The following WDR1 variants were observed in gnomAD, a reference collection of about 807,000 sequenced individuals.
WDR1 encodes WD repeat-containing protein 1.
Under a neutral mutation model 71.9 loss-of-function variants are expected in WDR1, and 21 were observed. That is an observed-to-expected ratio of 0.29 (90% CI 0.21 to 0.42). The LOEUF (loss-of-function observed/expected upper bound fraction) is 0.42, where lower values mean the gene tolerates loss of function less well. WDR1 is among the 10% of genes least tolerant of loss of function. The pLI is 1.00. For synonymous variants in WDR1, 424 were observed against 347.4 expected (o/e 1.22, Z -2.45); for missense variants, 696 against 824.5 (o/e 0.84, Z 1.91).
At chr4:10,113,537 G>A (rs1017941617) in intron 2 of WDR1, among the ~76,000 whole-genome samples, 3 of 152,200 alleles carry the variant, frequency 2.0e-5, no homozygotes, top group African/African-American at 4.8e-5. Context: ...GGCTTTCACC[G>A]AGGTGGGAAG....
chr4:10,109,333 C>T (rs1327202845), intron 2 of WDR1, among the ~76,000 whole-genome samples: 1 of 152,254 alleles, frequency 6.6e-6, no homozygotes, highest in Non-Finnish European at 1.5e-5. Context: ...AACACCTTCA[C>T]ACAATCCCAG....
chr4:10,086,636 A>G (rs3822248), intron 8 of WDR1, among the ~76,000 whole-genome samples: 48,028 of 152,064 alleles, frequency 0.32, 7,915 homozygotes, highest in East Asian at 0.54. Flanking sequence ...CTAGCCCTGC[A>G]GGGTTCAGAC....
chr4:10,092,968 G>C, intron 5 of WDR1: 1 of 990,254 alleles, frequency 1.0e-6, no homozygotes, highest in Non-Finnish European at 1.4e-6. Flanking sequence ...CCAACACATA[G>C]CCAAGACTGA....
intron 2 of WDR1, among the ~76,000 whole-genome samples, chr4:10,115,483 T>C (rs1344539783): frequency 6.6e-6 from 1 of 152,208 alleles, no homozygotes; most frequent in Non-Finnish European, 1.5e-5. Flanking sequence ...CCGGGTGTTT[T>C]TCCGGGCTCT....
At position 10,083,099 on chromosome 4, in the gene WDR1, C is replaced by G. The variant is rs1274951830; in HGVS notation, c.1119G>C (p.Val373=). 4.3e-6 allele frequency: 7 copies of G among 1,613,966 alleles called. No individual in the cohort carries two copies. In the Admixed American group the frequency reaches 1.2e-4, roughly 27 times the overall value. ...GHTNQVSRMT[V]DESGQLISCS... ...AGCTGATGAGCTGCCCCGACTCATC[C>G]ACGGTCATCCTGGACACCTGGTTCG... Residue 373 remains valine (V), a synonymous_variant, in exon 10 of 15, where the codon GTG becomes GTC. Transcript: ENST00000499869.
intron 7 of WDR1, 131 bp downstream of exon 7, chr4:10,088,162 G>C: frequency 1.0e-6 from 1 of 990,550 alleles, no homozygotes; most frequent in Non-Finnish European, 1.6e-6. Flanking sequence ...TTTCTGGGCA[G>C]ATATAAAACC....
intron 13 of WDR1, 112 bp from the exon 14 acceptor site, chr4:10,077,560 C>T: frequency 6.5e-7 from 1 of 1,542,980 alleles, no homozygotes; most frequent in Non-Finnish European, 8.8e-7. Flanking sequence ...TTCTCACGCG[C>T]TAACTCTATG....
intron 2 of WDR1, among the ~76,000 whole-genome samples, chr4:10,112,673 A>C (rs1016893993): frequency 6.6e-6 from 1 of 151,816 alleles, no homozygotes; most frequent in African/African-American, 2.4e-5. Context: ...GATTCCACAA[A>C]ATTTAGGTCC....
At chr4:10,116,318 C>A (rs1274118144) in intron 1 of WDR1, 84 bp from the exon 2 acceptor site, 1 of 1,582,226 alleles carries the variant, frequency 6.3e-7, no homozygotes, top group Non-Finnish European at 8.6e-7. Flanking sequence ...CCGGACCGGT[C>A]TCGGCCGGTC....
chr4:10,100,771 G>A (rs1247766346), intron 3 of WDR1, among the ~76,000 whole-genome samples: 1 of 152,224 alleles, frequency 6.6e-6, no homozygotes, highest in East Asian at 1.9e-4. Flanking sequence ...AGGCCGGGGG[G>A]GAAGAAGGGG....
intron 1 of WDR1, 35 bp downstream of exon 1, chr4:10,116,616 G>C (rs1284310504): frequency 3.3e-6 from 4 of 1,209,574 alleles, no homozygotes; most frequent in Non-Finnish European, 4.1e-6. Context: ...GGGCAGCGCG[G>C]CGGCCGCTCG....
At chr4:10,088,518 G>A in intron 6 of WDR1, 145 bp from the exon 7 acceptor site, 1 of 1,115,010 alleles carries the variant, frequency 9.0e-7, no homozygotes, top group Non-Finnish European at 1.3e-6. Context: ...CATTTACTGG[G>A]CTCTGACGAC....
chr4:10,110,401 T>C (rs1191085030), intron 2 of WDR1, among the ~76,000 whole-genome samples: 1 of 152,124 alleles, frequency 6.6e-6, no homozygotes, highest in Non-Finnish European at 1.5e-5. Context: ...CTAAACCTCT[T>C]CTCTTACCTC....
At chr4:10,088,005 G>A (rs1578425128) in intron 7 of WDR1, 65 bp from the exon 8 acceptor site, 1 of 1,443,074 alleles carries the variant, frequency 6.9e-7, no homozygotes, top group South Asian at 1.4e-5. Flanking sequence ...ACCCCAAAAA[G>A]CAGCTTGTCC....
chr4:10,111,417 C>T (rs1398559062), intron 2 of WDR1, among the ~76,000 whole-genome samples: 3 of 152,226 alleles, frequency 2.0e-5, no homozygotes, highest in African/African-American at 7.2e-5. Context: ...CTCTGCTTCC[C>T]CTGCCATCAG....
At chr4:10,112,446 C>T (rs1014096104) in intron 2 of WDR1, among the ~76,000 whole-genome samples, 1 of 152,178 alleles carries the variant, frequency 6.6e-6, no homozygotes, top group African/African-American at 2.4e-5. Context: ...TACATGGCCA[C>T]CATTATAGTC....
At chr4:10,111,849 T>C (rs1212434118) in intron 2 of WDR1, among the ~76,000 whole-genome samples, 1 of 140,978 alleles carries the variant, frequency 7.1e-6, no homozygotes, top group East Asian at 2.4e-4. Context: ...CCACTGATAC[T>C]GCGCCTGGGT....
chr4:10,103,136 C>T (rs559321120), intron 3 of WDR1, among the ~76,000 whole-genome samples: 48 of 152,276 alleles, frequency 3.2e-4, no homozygotes, highest in Admixed American at 7.2e-4. Flanking sequence ...CACACAAAAG[C>T]CCAGGCTGCA....
intron 2 of WDR1, among the ~76,000 whole-genome samples, chr4:10,105,910 C>A (rs1712984068): frequency 6.6e-6 from 1 of 152,228 alleles, no homozygotes; most frequent in Non-Finnish European, 1.5e-5. Flanking sequence ...AGGCAACACA[C>A]CGCACTGCTT....
Sources: gnomAD v4.1 joint callset for allele counts (sites outside exome capture counted in the v4.1 genomes callset) on GRCh38, gnomAD v4.1.1 for gene constraint, MANE v1.5 for transcripts, NCBI Gene and HGNC (gene_info 2026-07-23, HGNC 2026-07-21) for gene names.